Variants in HDX observed in about 807,000 individuals in gnomAD.
HDX encodes chromosome X open reading frame 43.
In HDX, 19 loss-of-function variants were observed where a neutral mutation model predicts 45.2. The ratio of observed to expected loss-of-function variants is 0.42; its 90% CI spans 0.29 to 0.62. The LOEUF (loss-of-function observed/expected upper bound fraction) is 0.62. Among genes scored for constraint, HDX ranks in the 20% least tolerant of loss-of-function variants. The pLI, the probability that HDX is intolerant of heterozygous loss-of-function variation, is 0.20. For missense variants in HDX, 532 were observed against 493.9 expected, an observed-to-expected ratio of 1.08 and a Z score of -0.73; for synonymous variants, 188 against 172.8, an observed-to-expected ratio of 1.09 and a Z score of -0.69.
intron 5 of HDX, among the ~76,000 whole-genome samples, chrX:84,425,720 CAT>C (rs1301342445): frequency 9.0e-6 from 1 of 111,173 alleles, no homozygotes; most frequent in Non-Finnish European, 1.9e-5. Context: ...GCTAACATCA[CAT>C]GTTTTCACTT....
chrX:84,470,575 T>C (rs1365560289), intron 3 of HDX, among the ~76,000 whole-genome samples: 7 of 111,564 alleles, frequency 6.3e-5, no homozygotes, highest in African/African-American at 2.3e-4. Flanking sequence ...TATTGTCTTC[T>C]TTACATTTTT....
chrX:84,486,533 T>C (rs1328998171), intron 2 of HDX, among the ~76,000 whole-genome samples: 3 of 111,934 alleles, frequency 2.7e-5, no homozygotes, highest in Non-Finnish European at 5.6e-5. Context: ...TTTTTAAGAA[T>C]AGATCTGTTT....
At chrX:84,457,147 G>A (rs1204814499) in intron 4 of HDX, among the ~76,000 whole-genome samples, 1 of 110,795 alleles carries the variant, frequency 9.0e-6, no homozygotes, top group African/African-American at 3.3e-5. Context: ...TTTTTTTTTG[G>A]CTATTTTAAA....
chrX:84,384,466 G>A (rs1409180243), intron 5 of HDX, among the ~76,000 whole-genome samples: 2 of 108,862 alleles, frequency 1.8e-5, no homozygotes, highest in Admixed American at 2.0e-4. Context: ...TTCCCATTCT[G>A]TGGGTTGTCT....
chrX:84,380,970 TAA>T lies in HDX; in HGVS notation c.1306-19360_1306-19359del, dbSNP rs765468193. On this transcript the variant is annotated intron_variant, in intron 5 of 10. Coordinates refer to ENST00000373177, the MANE Select transcript of HDX (RefSeq NM_001177479.2). ...ATATGATCTTATATTTGGAAAAATTTAAAGACTACACACAAAACATTTAGAAC... is the reference window on the plus strand; with the variant it reads ...ATATGATCTTATATTTGGAAAAATTTAGACTACACACAAAACATTTAGAAC... 1.8e-3 allele frequency among the ~76,000 whole-genome samples: 198 copies of T among 111,310 alleles called. 1 individual carries two copies. Among genetic ancestry groups the T allele is most frequent in the African/African-American group, 6.2e-3 (192 of 30,804 alleles).
At chrX:84,355,548 G>T (rs891417922) in intron 6 of HDX, among the ~76,000 whole-genome samples, 10 of 110,875 alleles carry the variant, frequency 9.0e-5, no homozygotes, top group African/African-American at 2.3e-4. Flanking sequence ...GATGAGTTCA[G>T]GTCCTTTATA....
chrX:84,495,756 G>A, intron 1 of HDX, among the ~76,000 whole-genome samples: 1 of 111,485 alleles, frequency 9.0e-6, no homozygotes, highest in Non-Finnish European at 1.9e-5. Context: ...TTTTGCTTTT[G>A]TTTTTGGGGG....
intron 5 of HDX, among the ~76,000 whole-genome samples, chrX:84,436,179 C>CA (rs1418703166): frequency 2.6e-5 from 2 of 78,236 alleles, no homozygotes; most frequent in African/African-American, 1.0e-4. Flanking sequence ...ATCGCAAGAA[C>CA]AAAAAACCAA....
At chrX:84,463,561 G>T (rs2040283509) in intron 4 of HDX, among the ~76,000 whole-genome samples, 1 of 110,916 alleles carries the variant, frequency 9.0e-6, no homozygotes, top group South Asian at 3.8e-4. Context: ...ATGAGAAATG[G>T]GAATGCAATT....
chrX:84,365,326 C>T (rs1452147785), intron 5 of HDX, among the ~76,000 whole-genome samples: 2 of 110,859 alleles, frequency 1.8e-5, no homozygotes, highest in Non-Finnish European at 3.8e-5. Context: ...GGATTTTTGA[C>T]CTAAAGTCAT....
intron 9 of HDX, among the ~76,000 whole-genome samples, chrX:84,329,778 C>T (rs1434963460): frequency 1.8e-5 from 2 of 111,690 alleles, no homozygotes; most frequent in African/African-American, 6.5e-5. Flanking sequence ...ATCCTCTGAC[C>T]ATCATTCCCT....
At chrX:84,343,254 T>A (rs751420822) in intron 7 of HDX, among the ~76,000 whole-genome samples, 1 of 110,398 alleles carries the variant, frequency 9.1e-6, no homozygotes, top group Admixed American at 9.7e-5. Context: ...ATATTTAAAA[T>A]GAATGATTTT....
intron 3 of HDX, among the ~76,000 whole-genome samples, chrX:84,474,257 A>C (rs925578309): frequency 3.6e-5 from 4 of 111,920 alleles, no homozygotes; most frequent in African/African-American, 1.3e-4. Flanking sequence ...CGGCCACTGC[A>C]CTTCAGCCTG....
intron 1 of HDX, among the ~76,000 whole-genome samples, chrX:84,495,493 T>G (rs938019673): frequency 6.3e-5 from 7 of 110,996 alleles, no homozygotes; most frequent in African/African-American, 2.3e-4. Flanking sequence ...TGAAGGATTA[T>G]CCCCACAAAT....
intron 5 of HDX, among the ~76,000 whole-genome samples, chrX:84,392,970 G>T (rs781439961): frequency 1.0e-5 from 1 of 96,585 alleles, no homozygotes; most frequent in Admixed American, 1.1e-4. Flanking sequence ...TTCCCAATTT[G>T]GTTGCTGTTT....
intron 5 of HDX, among the ~76,000 whole-genome samples, chrX:84,415,409 G>A (rs758391501): frequency 1.7e-4 from 19 of 111,512 alleles, no homozygotes; most frequent in Non-Finnish European, 2.8e-4. Context: ...TTTGTTGTTG[G>A]TAATGGTAGC....
At chrX:84,455,995 G>A (rs942559650) in intron 4 of HDX, among the ~76,000 whole-genome samples, 1 of 111,755 alleles carries the variant, frequency 8.9e-6, no homozygotes, top group Admixed American at 9.4e-5. Flanking sequence ...AAACATGAAG[G>A]ATAAATAATT....
At position 84,336,814 on chromosome X, in the gene HDX, G is replaced by T. The variant is rs2036973602; in HGVS notation, c.1727C>A (p.Thr576Asn). ...AHKEEDHHAV[T>N]TDNVKIEIID... is the part of the protein sequence containing the mutation. ...AACTGTACATACCACATTATCTGTG[G>T]TTACTGCATGGTGGTCCTCTTCCTT... is the stretch of plus-strand genomic sequence containing the variant. Residue 576 changes from threonine (T) to asparagine (N), a missense_variant, in exon 8 of 11, where the codon ACC (threonine) becomes AAC (asparagine). Coordinates refer to ENST00000373177, the MANE Select transcript of HDX (RefSeq NM_001177479.2). The T allele has an allele frequency of 1.7e-6, 2 of 1,170,246 alleles. No homozygotes were observed. The highest frequency in any genetic ancestry group is 6.0e-5 in the East Asian group (2 of 33,454).
At chrX:84,478,269 G>A (rs1248342122) in intron 2 of HDX, among the ~76,000 whole-genome samples, 1 of 111,850 alleles carries the variant, frequency 8.9e-6, no homozygotes, top group African/African-American at 3.3e-5. Context: ...CTGAGACATT[G>A]AGAAAATATT....
Sources: gnomAD v4.1 joint callset for allele counts (sites outside exome capture counted in the v4.1 genomes callset) on GRCh38, gnomAD v4.1.1 for gene constraint, MANE v1.5 for transcripts, NCBI Gene and HGNC (gene_info 2026-07-23, HGNC 2026-07-21) for gene names.